Variants in PLAC1 observed in about 807,000 individuals in gnomAD.
PLAC1 encodes the protein placenta-specific protein 1.
For synonymous variants in PLAC1, 68 were observed against 62.1 expected (o/e 1.09, Z -0.44); for missense variants, 136 against 163.2 (o/e 0.83, Z 0.91).
intron 1 of PLAC1, among the ~76,000 whole-genome samples, chrX:134,653,442 C>T (rs1569398169): frequency 8.9e-6 from 1 of 112,405 alleles, no homozygotes; most frequent in African/African-American, 3.2e-5. Context: ...AGACAGGGGA[C>T]GTCAGTGCTT....
At chrX:134,722,697 A>G (rs1416813002) in intron 2 of PLAC1, among the ~76,000 whole-genome samples, 1 of 112,283 alleles carries the variant, frequency 8.9e-6, no homozygotes, top group Non-Finnish European at 1.9e-5. Context: ...ATCTCAATAA[A>G]AAACGAAAAA....
intron 1 of PLAC1, among the ~76,000 whole-genome samples, chrX:134,743,680 T>C (rs1488500118): frequency 9.0e-6 from 1 of 111,506 alleles, no homozygotes; most frequent in Admixed American, 9.5e-5. Context: ...GGTAGCCTCC[T>C]GGGATGTAGG....
intron 2 of PLAC1, among the ~76,000 whole-genome samples, chrX:134,584,525 C>T (rs746098917): frequency 1.8e-5 from 2 of 110,670 alleles, no homozygotes; most frequent in Non-Finnish European, 3.8e-5. Flanking sequence ...GAGCATTGAA[C>T]GTGCACGCTG....
chrX:134,741,718 A>G, intron 1 of PLAC1, among the ~76,000 whole-genome samples: 1 of 109,680 alleles, frequency 9.1e-6, no homozygotes, highest in Non-Finnish European at 1.9e-5. Flanking sequence ...AAAAAAAAAA[A>G]AAAGAACACA....
intron 2 of PLAC1, among the ~76,000 whole-genome samples, chrX:134,714,185 T>G (rs1364579369): frequency 8.9e-6 from 1 of 112,031 alleles, no homozygotes; most frequent in African/African-American, 3.2e-5. Context: ...GGGGCTCACC[T>G]AGGGATGGAG....
rs763402633 is a variant in PLAC1 at position 134,566,176 on chromosome X, A to G, written c.507T>C (p.Ser169=). ...PNCDCPPCVF[S]EEEHTQVPCH... ...AAGGGACCTGGGTATGCTCTTCTTC[A>G]CTGAAGACACAAGGTGGACAATCGC... is the stretch of plus-strand genomic sequence containing the variant. Residue 169 remains serine, a synonymous_variant, in exon 3 of 3, where the codon AGT becomes AGC. Coordinates refer to ENST00000359237, the MANE Select transcript of PLAC1 (RefSeq NM_021796.4). The G allele has an allele frequency of 8.3e-7, 1 of 1,211,632 alleles. No homozygotes were observed. The highest frequency in any genetic ancestry group is 3.0e-5 in the East Asian group (1 of 33,825).
intron 2 of PLAC1, among the ~76,000 whole-genome samples, chrX:134,705,985 G>A (rs1406530389): frequency 8.9e-6 from 1 of 111,737 alleles, no homozygotes; most frequent in Non-Finnish European, 1.9e-5. Context: ...CTGAGGCAAC[G>A]TATTGGTGAG....
At chrX:134,753,701 C>G (rs769742771) in intron 1 of PLAC1, among the ~76,000 whole-genome samples, 2 of 111,210 alleles carry the variant, frequency 1.8e-5, no homozygotes, top group Non-Finnish European at 3.8e-5. Context: ...GAGGTCCTTA[C>G]AGCTCACATT....
chrX:134,635,196 C>G (rs2078277983), intron 1 of PLAC1, among the ~76,000 whole-genome samples: 1 of 111,752 alleles, frequency 8.9e-6, no homozygotes, highest in African/African-American at 3.3e-5. Flanking sequence ...TGCTGCCAAA[C>G]AAGCTGGGAG....
rs748923622 is a variant in PLAC1, at chrX:134,750,802, CAAA to C, written n.89+13429_89+13431del. Among the ~76,000 whole-genome samples, 61 of 9,959 alleles carry C rather than the reference CAAA, an allele frequency of 6.1e-3. 5 individuals are homozygous for C. Among genetic ancestry groups the C allele is most frequent in the African/African-American group, 0.04 (56 of 1,417 alleles). 8.6% of individuals were successfully genotyped at this position (9,959 alleles called of 115,157 possible). A position where few individuals can be genotyped will look rare whatever the true frequency, so the allele number is the denominator to read the frequency against. On this transcript the variant is annotated intron_variant and non_coding_transcript_variant, in intron 1 of 2. Transcript: ENST00000466797. ...TGAAACCCTGTCTCTAATAAAAATA[CAAA>C]AAAAAAAATATATATATATATATAT... is the stretch of plus-strand genomic sequence containing the variant.
chrX:134,637,929 C>G (rs779210606), intron 1 of PLAC1, among the ~76,000 whole-genome samples: 1 of 112,013 alleles, frequency 8.9e-6, no homozygotes, highest in East Asian at 2.8e-4. Flanking sequence ...ACTGTATTTC[C>G]TGGAACACAG....
intron 2 of PLAC1, among the ~76,000 whole-genome samples, chrX:134,700,664 C>T (rs954622474): frequency 9.0e-6 from 1 of 111,338 alleles, no homozygotes; most frequent in African/African-American, 3.3e-5. Flanking sequence ...AGCTAAGAGC[C>T]AATTCAATAA....
intron 2 of PLAC1, among the ~76,000 whole-genome samples, chrX:134,687,253 T>C (rs1168229450): frequency 8.9e-6 from 1 of 111,846 alleles, no homozygotes; most frequent in East Asian, 2.8e-4. Flanking sequence ...ATGTTAAGGG[T>C]AGAAAACATC....
intron 1 of PLAC1, among the ~76,000 whole-genome samples, chrX:134,625,786 C>T (rs974753815): frequency 1.5e-4 from 17 of 111,001 alleles, no homozygotes; most frequent in African/African-American, 5.6e-4. Flanking sequence ...CGAGGCACTG[C>T]TTTTCCACAG....
intron 1 of PLAC1, chrX:134,605,577 G>C (rs1438609802): frequency 8.9e-6 from 1 of 112,690 alleles, no homozygotes; most frequent in East Asian, 2.8e-4. Flanking sequence ...ATCCATTTGT[G>C]TAGCTAAAAA....
At chrX:134,687,431 T>C (rs2147819272) in intron 2 of PLAC1, among the ~76,000 whole-genome samples, 1 of 110,610 alleles carries the variant, frequency 9.0e-6, no homozygotes, top group Non-Finnish European at 1.9e-5. Context: ...TTAGCGTTAG[T>C]GTATTTTATA....
intron 2 of PLAC1, among the ~76,000 whole-genome samples, chrX:134,690,804 T>C (rs775409902): frequency 9.6e-6 from 1 of 104,558 alleles, no homozygotes; most frequent in Non-Finnish European, 2.0e-5. Context: ...ATGGTGGCAA[T>C]GGTGGCACAC....
At chrX:134,751,422 C>T (rs2078744864) in intron 1 of PLAC1, among the ~76,000 whole-genome samples, 2 of 111,080 alleles carry the variant, frequency 1.8e-5, no homozygotes, top group Non-Finnish European at 3.8e-5. Context: ...TACAAGTGAC[C>T]CTCCTACCCT....
chrX:134,573,865 A>G (rs979415930), intron 2 of PLAC1, among the ~76,000 whole-genome samples: 41 of 111,423 alleles, frequency 3.7e-4, no homozygotes, highest in African/African-American at 1.2e-3. Context: ...GTGCATGTGT[A>G]TAACATCCTG....
Sources: gnomAD v4.1 joint callset for allele counts (sites outside exome capture counted in the v4.1 genomes callset) on GRCh38, gnomAD v4.1.1 for gene constraint, MANE v1.5 for transcripts, NCBI Gene and HGNC (gene_info 2026-07-23, HGNC 2026-07-21) for gene names.